CSMD1: variants seen among roughly 807,000 people sequenced by gnomAD.
CSMD1 encodes the protein CUB and Sushi multiple domains 1.
CSMD1 carries 213 observed loss-of-function variants against 417.5 expected under a neutral mutation model. The ratio of observed to expected loss-of-function variants is 0.51; its 90% confidence interval spans 0.46 to 0.57. CSMD1 has a LOEUF of 0.57. Ranked by LOEUF, CSMD1 falls within the 20% of genes least tolerant of loss-of-function variation. CSMD1 has a pLI of 0.00. For synonymous variants in CSMD1, 2,862 were observed against 1,736.8 expected (o/e 1.65, Z -16.11); for missense variants, 6,923 against 4,529.7 (o/e 1.53, Z -15.17).
chr8:3,440,064 A>G (rs1814872382), intron 12 of CSMD1, among the ~76,000 whole-genome samples: 2 of 152,114 alleles, frequency 1.3e-5, no homozygotes, highest in Non-Finnish European at 2.9e-5. Context: ...GAGCTATATA[A>G]TATGCAGTGA....
intron 5 of CSMD1, among the ~76,000 whole-genome samples, chr8:3,839,668 A>G (rs1241169806): frequency 6.8e-6 from 1 of 147,468 alleles, no homozygotes; most frequent in Non-Finnish European, 1.5e-5. Context: ...AAAAAAAAAA[A>G]GAATCTATCT....
At chr8:4,003,241 A>C (rs1034158156) in intron 4 of CSMD1, among the ~76,000 whole-genome samples, 1 of 151,960 alleles carries the variant, frequency 6.6e-6, no homozygotes, top group East Asian at 1.9e-4. Flanking sequence ...AAAACACATA[A>C]AAGTAGCTGG....
intron 5 of CSMD1, among the ~76,000 whole-genome samples, chr8:3,910,305 A>G (rs1213179056): frequency 6.6e-6 from 1 of 152,124 alleles, no homozygotes; most frequent in African/African-American, 2.4e-5. Flanking sequence ...AATATGATGG[A>G]ATTCAGAGCA....
At chr8:4,405,790 G>A (rs571789678) in intron 3 of CSMD1, among the ~76,000 whole-genome samples, 2 of 152,192 alleles carry the variant, frequency 1.3e-5, no homozygotes, top group Non-Finnish European at 2.9e-5. Flanking sequence ...TTTGTTGAGT[G>A]ATTTTAGACA....
intron 5 of CSMD1, among the ~76,000 whole-genome samples, chr8:3,793,620 C>G (rs759783130): frequency 6.6e-6 from 1 of 152,080 alleles, no homozygotes; most frequent in African/African-American, 2.4e-5. Flanking sequence ...TCCCAAATGT[C>G]CCCCAGAAGC....
intron 3 of CSMD1, among the ~76,000 whole-genome samples, chr8:4,204,501 T>C (rs1196536959): frequency 6.6e-6 from 1 of 152,160 alleles, no homozygotes; most frequent in East Asian, 1.9e-4. Flanking sequence ...TAAACCAGAT[T>C]CAATTTCCAT....
intron 5 of CSMD1, among the ~76,000 whole-genome samples, chr8:3,926,714 C>CTT (rs56721822): frequency 0.32 from 33,215 of 103,410 alleles, 6,578 homozygotes; most frequent in Non-Finnish European, 0.39. Context: ...AAATTGACAC[C>CTT]TTTTTTTTTT....
chr8:4,833,154 A>G (rs549799465), intron 1 of CSMD1, among the ~76,000 whole-genome samples: 2 of 152,186 alleles, frequency 1.3e-5, no homozygotes, highest in Non-Finnish European at 2.9e-5. Flanking sequence ...CCACTGTATT[A>G]GTCCATTCTC....
chr8:3,056,290 G>T (rs1392875276), intron 49 of CSMD1, among the ~76,000 whole-genome samples: 1 of 152,142 alleles, frequency 6.6e-6, no homozygotes, highest in Admixed American at 6.5e-5. Context: ...AACCCCACAT[G>T]GGATTTCTTC....
chr8:3,171,501 G>A (rs1040431512), intron 37 of CSMD1, among the ~76,000 whole-genome samples: 1 of 152,144 alleles, frequency 6.6e-6, no homozygotes, highest in Non-Finnish European at 1.5e-5. Context: ...ATGAGTTGGT[G>A]GTTGGCTAAG....
chr8:4,153,191 C>T (rs1025737464), intron 3 of CSMD1, among the ~76,000 whole-genome samples: 3 of 152,162 alleles, frequency 2.0e-5, no homozygotes, highest in African/African-American at 4.8e-5. Context: ...GAGCCCAGTT[C>T]CTGCTTTGCC....
chr8:4,048,871 C>A (rs962264462), intron 3 of CSMD1, among the ~76,000 whole-genome samples: 2 of 152,200 alleles, frequency 1.3e-5, no homozygotes, highest in Non-Finnish European at 2.9e-5. Context: ...AGATCAAGCT[C>A]ATTTTTACAG....
intron 1 of CSMD1, among the ~76,000 whole-genome samples, chr8:4,728,174 A>C (rs1809595912): frequency 6.8e-6 from 1 of 147,378 alleles, no homozygotes; most frequent in Admixed American, 6.8e-5. Context: ...ATATATATTT[A>C]TTTGGCATTT....
chr8:3,648,032 G>A (rs897325957), intron 7 of CSMD1, among the ~76,000 whole-genome samples: 1 of 152,214 alleles, frequency 6.6e-6, no homozygotes, highest in Non-Finnish European at 1.5e-5. Context: ...GCTAATCAAT[G>A]AACCAGATCT....
intron 5 of CSMD1, among the ~76,000 whole-genome samples, chr8:3,942,324 T>C (rs547610445): frequency 1.2e-4 from 18 of 152,260 alleles, no homozygotes; most frequent in African/African-American, 4.1e-4. Context: ...GGAAAAATTG[T>C]CTTCCAAGAA....
chr8:3,377,341 A>C (rs954854578), intron 18 of CSMD1, among the ~76,000 whole-genome samples: 6 of 152,194 alleles, frequency 3.9e-5, no homozygotes, highest in Admixed American at 2.0e-4. Context: ...CAAATTCTTT[A>C]TACTGAGAAA....
chr8:4,803,337 C>A (rs370090950), intron 1 of CSMD1, among the ~76,000 whole-genome samples: 2 of 152,122 alleles, frequency 1.3e-5, no homozygotes, highest in African/African-American at 4.8e-5. Context: ...AATAAGCCTT[C>A]GAAATATAAA....
chr8:4,297,342 AC>A (rs1387623299), intron 3 of CSMD1, among the ~76,000 whole-genome samples: 4 of 152,248 alleles, frequency 2.6e-5, no homozygotes, highest in East Asian at 3.9e-4. Flanking sequence ...ATCTAAAAAA[AC>A]AAAACAAAAC....
chr8:3,998,704 A>G (rs1468546325), intron 4 of CSMD1, among the ~76,000 whole-genome samples: 5 of 152,082 alleles, frequency 3.3e-5, no homozygotes, highest in Non-Finnish European at 5.9e-5. Context: ...TGATAAGTGA[A>G]AGGCCAGTAA....
Sources: allele counts gnomAD v4.1 joint callset (sites outside exome capture counted in the v4.1 genomes callset), GRCh38; gene constraint gnomAD v4.1.1; transcripts MANE v1.5; gene names NCBI Gene and HGNC (gene_info 2026-07-23, HGNC 2026-07-21).